The following PRMT3 variants were observed in gnomAD, a reference collection of about 807,000 sequenced individuals.
The protein encoded by PRMT3 is protein arginine methyltransferase 3.
Under a neutral mutation model 71.9 loss-of-function variants are expected in PRMT3, and 62 were observed. That is an observed-to-expected ratio of 0.86 (90% CI 0.70 to 1.07). PRMT3 has a LOEUF of 1.07. Ranked by LOEUF, PRMT3 falls within the 50% of genes least tolerant of loss-of-function variation. PRMT3 has a pLI of 0.00. For missense variants in PRMT3, 663 were observed against 643.0 expected (o/e 1.03, Z -0.34); for synonymous variants, 213 against 220.4 (o/e 0.97, Z 0.30).
intron 5 of PRMT3, chr11:20,393,748 C>G (rs903119542): frequency 6.6e-6 from 1 of 152,048 alleles, no homozygotes; most frequent in Non-Finnish European, 1.5e-5. Context: ...TCTGCATATT[C>G]TTAACATTAA....
chr11:20,441,303 ATT>A (rs1590066725), intron 10 of PRMT3, among the ~76,000 whole-genome samples: 3 of 145,144 alleles, frequency 2.1e-5, no homozygotes, highest in East Asian at 3.9e-4. Flanking sequence ...TTATTTATTT[ATT>A]TATTTATTTA....
intron 13 of PRMT3, among the ~76,000 whole-genome samples, chr11:20,485,016 G>C (rs1565234070): frequency 6.6e-6 from 1 of 152,152 alleles, no homozygotes; most frequent in Admixed American, 6.5e-5. Context: ...TTTTGATATT[G>C]CTCACGTGGA....
At chr11:20,507,476 C>T (rs778504213) in intron 15 of PRMT3, among the ~76,000 whole-genome samples, 1 of 152,132 alleles carries the variant, frequency 6.6e-6, no homozygotes, top group Non-Finnish European at 1.5e-5. Context: ...TCGCTTCATT[C>T]AAAAATTAAT....
At chr11:20,474,401 A>G (rs1248736162) in intron 13 of PRMT3, among the ~76,000 whole-genome samples, 3 of 152,164 alleles carry the variant, frequency 2.0e-5, no homozygotes, top group Non-Finnish European at 4.4e-5. Flanking sequence ...ACAGAATTAC[A>G]CTACTTGGCT....
intron 10 of PRMT3, among the ~76,000 whole-genome samples, chr11:20,432,500 G>C (rs1849675023): frequency 6.6e-6 from 1 of 152,052 alleles, no homozygotes; most frequent in African/African-American, 2.4e-5. Context: ...TGGCTATTGT[G>C]AATAGTGCTG....
chr11:20,457,257 C>T (rs1850286259), intron 11 of PRMT3, among the ~76,000 whole-genome samples: 6 of 152,162 alleles, frequency 3.9e-5, no homozygotes, highest in Admixed American at 3.9e-4. Flanking sequence ...AACCCCCTTT[C>T]TCCTTCCTTC....
chr11:20,507,268 A>G (rs1389266559), intron 15 of PRMT3, among the ~76,000 whole-genome samples: 1 of 152,102 alleles, frequency 6.6e-6, no homozygotes, highest in Non-Finnish European at 1.5e-5. Flanking sequence ...CTATTGTGTA[A>G]TTGTTAGTAT....
intron 8 of PRMT3, chr11:20,407,701 G>A: frequency 5.0e-6 from 2 of 397,522 alleles, no homozygotes; most frequent in South Asian, 7.6e-5. Context: ...AATACGTAAT[G>A]GAAAGAGCCG....
chr11:20,400,114 G>A (rs1403711212), intron 7 of PRMT3, among the ~76,000 whole-genome samples: 1 of 152,110 alleles, frequency 6.6e-6, no homozygotes, highest in Non-Finnish European at 1.5e-5. Flanking sequence ...ACGATTCTTA[G>A]CACACATAAA....
chr11:20,470,527 C>T (rs1850618935), intron 13 of PRMT3, among the ~76,000 whole-genome samples: 1 of 152,140 alleles, frequency 6.6e-6, no homozygotes, highest in African/African-American at 2.4e-5. Context: ...GGGATAACAG[C>T]TCTCAACTCC....
chr11:20,416,095 C>A (rs1489649291), intron 9 of PRMT3, among the ~76,000 whole-genome samples: 1 of 152,152 alleles, frequency 6.6e-6, no homozygotes, highest in Non-Finnish European at 1.5e-5. Context: ...ACTTTACATT[C>A]TTAGATCTCT....
rs145539825 is a variant in PRMT3, at chr11:20,433,294, G to A, written c.993+6429G>A. 7.0e-4 allele frequency among the ~76,000 whole-genome samples: 107 copies of A among 152,198 alleles called. 1 individual carries two copies. The East Asian group carries it at 0.019, about 27-fold the overall frequency. Reference sequence around the variant, plus strand: ...TCATTTAGCTCCCACTTATAAGTGAGAACATGTGGTATTTGGTTTTCTGTT... The same window carrying A: ...TCATTTAGCTCCCACTTATAAGTGAAAACATGTGGTATTTGGTTTTCTGTT... On this transcript the variant is annotated intron_variant, in intron 10 of 15. Coordinates refer to ENST00000331079, the MANE Select transcript of PRMT3 (RefSeq NM_005788.4).
At chr11:20,496,119 C>A (rs1477774918) in intron 15 of PRMT3, among the ~76,000 whole-genome samples, 1 of 152,088 alleles carries the variant, frequency 6.6e-6, no homozygotes, top group African/African-American at 2.4e-5. Flanking sequence ...ATGTAAAAAT[C>A]TTTATAGTAG....
intron 10 of PRMT3, among the ~76,000 whole-genome samples, chr11:20,438,763 C>T (rs767340360): frequency 6.6e-6 from 1 of 152,090 alleles, no homozygotes; most frequent in Non-Finnish European, 1.5e-5. Context: ...CAAATGGGGT[C>T]GTGGTTTCTC....
At chr11:20,415,780 AC>A (rs1336590994) in intron 9 of PRMT3, among the ~76,000 whole-genome samples, 1 of 152,084 alleles carries the variant, frequency 6.6e-6, no homozygotes, top group Non-Finnish European at 1.5e-5. Context: ...CTTCATCTAA[AC>A]CTACTGCTTC....
At chr11:20,431,559 A>T (rs1383244677) in intron 10 of PRMT3, among the ~76,000 whole-genome samples, 1 of 152,208 alleles carries the variant, frequency 6.6e-6, no homozygotes, top group Non-Finnish European at 1.5e-5. Flanking sequence ...TATACATGAA[A>T]TAAAGAATAT....
rs76790464 is a variant in PRMT3, at chr11:20,452,034, T to G, written c.994-96T>G. On this transcript the variant is annotated intron_variant, in intron 10 of 15. Transcript: ENST00000331079. The stretch of plus-strand genomic sequence containing the variant: ...TACATCTGTGGCAGAAAAAAAAATA[T>G]TCTGTAATTAAAAGAGTAGCACCGA... The G allele has an allele frequency of 9.7e-4, 798 of 820,776 alleles. 7 individuals are homozygous for G. In the African/African-American group the frequency reaches 0.013, roughly 14 times the overall value. The allele number at this position is 820,776 out of a possible 1,614,324, so 50.8% of individuals were successfully genotyped here. A position where few individuals can be genotyped will look rare whatever the true frequency, so the allele number is the denominator to read the frequency against.
chr11:20,392,184 A>G lies in PRMT3; in HGVS notation c.248-27A>G, dbSNP rs750102168. The stretch of plus-strand genomic sequence containing the variant: ...TAAACAAAACTCATTATGTTAACAT[A>G]GGTGAATTATCTTTTTCCCCCTTTA... On this transcript the variant is annotated intron_variant, in intron 3 of 15. Transcript: ENST00000331079. 6 of 1,564,934 alleles carry G rather than the reference A, an allele frequency of 3.8e-6. No individual in the cohort carries two copies. In the East Asian group the frequency reaches 9.1e-5, roughly 24 times the overall value.
chr11:20,500,732 A>AG (rs1423075544), intron 15 of PRMT3, among the ~76,000 whole-genome samples: 1 of 152,226 alleles, frequency 6.6e-6, no homozygotes, highest in East Asian at 1.9e-4. Flanking sequence ...ATAAAAACTA[A>AG]GTGGATCATA....
Sources: allele counts gnomAD v4.1 joint callset (sites outside exome capture counted in the v4.1 genomes callset), GRCh38; gene constraint gnomAD v4.1.1; transcripts MANE v1.5; gene names NCBI Gene and HGNC (gene_info 2026-07-23, HGNC 2026-07-21).